CAST: variants seen among roughly 807,000 people sequenced by gnomAD.
The protein encoded by CAST is MIR583 host.
Under a neutral mutation model 119.6 loss-of-function variants are expected in CAST, and 76 were observed. The ratio of observed to expected loss-of-function variants is 0.64; its 90% CI spans 0.53 to 0.77. The LOEUF (loss-of-function observed/expected upper bound fraction) is 0.77, where lower values mean the gene tolerates loss of function less well. Ranked by LOEUF, CAST falls within the 30% of genes least tolerant of loss-of-function variation. The pLI, the probability that CAST is intolerant of heterozygous loss-of-function variation, is 0.00. For missense variants in CAST, 953 were observed against 946.5 expected (o/e 1.01, Z -0.09); for synonymous variants, 319 against 331.6 (o/e 0.96, Z 0.41).
the CAST span, among the ~76,000 whole-genome samples, chr5:96,026,656 T>C: frequency 2.6e-5 from 4 of 152,230 alleles, no homozygotes; most frequent in Non-Finnish European, 1.5e-5. Flanking sequence ...AGGGAGGATT[T>C]GGACTGCGAA....
At chr5:96,725,783 G>A (rs1235366683) in intron 4 of CAST, among the ~76,000 whole-genome samples, 6 of 152,076 alleles carry the variant, frequency 3.9e-5, no homozygotes, top group Admixed American at 3.3e-4. Context: ...ACTACCAGCT[G>A]GCTTATTTTC....
chr5:96,746,881 A>G (rs1289142530), intron 17 of CAST, among the ~76,000 whole-genome samples: 3 of 152,162 alleles, frequency 2.0e-5, no homozygotes, highest in Admixed American at 2.0e-4. Context: ...CTGTCATTAC[A>G]TTTGTCATTT....
chr5:96,227,084 T>C, the CAST span, among the ~76,000 whole-genome samples: 22 of 152,286 alleles, frequency 1.4e-4, no homozygotes, highest in East Asian at 3.7e-3. Context: ...TCTTCTTGTG[T>C]AGTGTCTTGG....
the CAST span, among the ~76,000 whole-genome samples, chr5:96,020,907 G>A: frequency 1.5e-5 from 2 of 137,862 alleles, no homozygotes; most frequent in African/African-American, 2.8e-5. Context: ...GTTGGGAACT[G>A]CTGCTGTAGT....
At chr5:96,663,927 T>C (rs180997727) in intron 1 of CAST, among the ~76,000 whole-genome samples, 1 of 135,210 alleles carries the variant, frequency 7.4e-6, no homozygotes, top group East Asian at 2.2e-4. Flanking sequence ...GATTTAACAT[T>C]AGATTGCTTT....
the CAST span, among the ~76,000 whole-genome samples, chr5:96,159,716 T>G: frequency 2.0e-5 from 3 of 152,256 alleles, no homozygotes; most frequent in Non-Finnish European, 4.4e-5. Context: ...CTTCACTATT[T>G]TTGTGTATTA....
chr5:96,205,936 G>A, the CAST span, among the ~76,000 whole-genome samples: 2 of 151,874 alleles, frequency 1.3e-5, no homozygotes, highest in East Asian at 1.9e-4. Context: ...ATTTACAACA[G>A]TGTGTAAGTG....
At chr5:96,445,458 C>G in the CAST span, among the ~76,000 whole-genome samples, 32 of 152,160 alleles carry the variant, frequency 2.1e-4, no homozygotes, top group African/African-American at 7.0e-4. Context: ...GACTCATTGC[C>G]CAGACACATA....
At chr5:96,268,285 C>T in the CAST span, among the ~76,000 whole-genome samples, 1 of 152,150 alleles carries the variant, frequency 6.6e-6, no homozygotes, top group African/African-American at 2.4e-5. Context: ...CTAAAAGGCA[C>T]AGAGGACCCA....
chr5:96,410,721 T>C, the CAST span: 2 of 1,401,546 alleles, frequency 1.4e-6, no homozygotes, highest in Non-Finnish European at 2.0e-6. Flanking sequence ...TCATTTCACA[T>C]GCATGCCACG....
At chr5:96,400,835 C>A in the CAST span, among the ~76,000 whole-genome samples, 5 of 144,320 alleles carry the variant, frequency 3.5e-5, no homozygotes, top group Non-Finnish European at 7.5e-5. Context: ...CGCCTGTAAT[C>A]CCAGCACTTT....
the CAST span, among the ~76,000 whole-genome samples, chr5:96,481,711 A>G: frequency 6.6e-6 from 1 of 152,190 alleles, no homozygotes; most frequent in Non-Finnish European, 1.5e-5. Context: ...GAAAAGGGAA[A>G]TAAGTGGGAA....
chr5:96,670,599 G>A (rs1749938169), intron 1 of CAST, among the ~76,000 whole-genome samples: 2 of 152,216 alleles, frequency 1.3e-5, no homozygotes, highest in Non-Finnish European at 2.9e-5. Flanking sequence ...CTGGGTTCAA[G>A]TAATTCTCCT....
At chr5:96,443,930 T>A in the CAST span, among the ~76,000 whole-genome samples, 1 of 152,222 alleles carries the variant, frequency 6.6e-6, no homozygotes, top group Non-Finnish European at 1.5e-5. Context: ...AATTCTCTAT[T>A]TCATGTTGCT....
At chr5:96,093,535 G>A in the CAST span, among the ~76,000 whole-genome samples, 1 of 152,226 alleles carries the variant, frequency 6.6e-6, no homozygotes, top group Non-Finnish European at 1.5e-5. Context: ...CTGGTAGGGT[G>A]CTGTAAGATT....
At chr5:96,346,287 G>A in the CAST span, among the ~76,000 whole-genome samples, 1 of 152,186 alleles carries the variant, frequency 6.6e-6, no homozygotes. Context: ...GGAAGGCAGA[G>A]ATCGTGACTG....
the CAST span, among the ~76,000 whole-genome samples, chr5:96,132,472 G>C: frequency 8.6e-5 from 13 of 151,858 alleles, no homozygotes; most frequent in African/African-American, 3.1e-4. Flanking sequence ...GATAACTATA[G>C]TCACCTTACT....
the CAST span, among the ~76,000 whole-genome samples, chr5:96,246,698 C>A: frequency 2.0e-5 from 3 of 152,158 alleles, no homozygotes; most frequent in African/African-American, 7.2e-5. Flanking sequence ...CCTTTCCTCC[C>A]CTCAAATTGC....
chr5:96,003,810 A>C, the CAST span, among the ~76,000 whole-genome samples: 8 of 152,210 alleles, frequency 5.3e-5, no homozygotes, highest in Non-Finnish European at 1.0e-4. Flanking sequence ...GGTAAACCAC[A>C]TTTCCCTTGT....
Sources: gnomAD v4.1 joint callset for allele counts (sites outside exome capture counted in the v4.1 genomes callset) on GRCh38, gnomAD v4.1.1 for gene constraint, MANE v1.5 for transcripts, NCBI Gene and HGNC (gene_info 2026-07-23, HGNC 2026-07-21) for gene names.